Variants in AK8 observed in about 807,000 individuals in gnomAD.
The protein encoded by AK8 is ATP-AMP transphosphorylase 8.
Under a neutral mutation model 54.6 loss-of-function variants are expected in AK8, and 44 were observed. That is an observed-to-expected ratio of 0.81 (90% CI 0.63 to 1.04). The LOEUF (loss-of-function observed/expected upper bound fraction) is 1.04, where lower values mean the gene tolerates loss of function less well. AK8 is among the 50% of genes least tolerant of loss of function. The probability of loss-of-function intolerance (pLI) is 0.00; values close to 1 mark genes in which losing one functional copy is unlikely to be tolerated. For missense variants in AK8, 555 were observed against 613.6 expected, an observed-to-expected ratio of 0.90 and a Z score of 1.01; for synonymous variants, 239 against 245.6, an observed-to-expected ratio of 0.97 and a Z score of 0.25.
chr9:132,830,184 T>C (rs916971417), intron 5 of AK8, among the ~76,000 whole-genome samples: 1 of 152,240 alleles, frequency 6.6e-6, no homozygotes, highest in Non-Finnish European at 1.5e-5. Context: ...ATTGTATGAA[T>C]TGACCTGATG....
At chr9:132,834,030 C>T (rs546409373) in intron 5 of AK8, among the ~76,000 whole-genome samples, 1 of 152,354 alleles carries the variant, frequency 6.6e-6, no homozygotes, top group African/African-American at 2.4e-5. Context: ...CAGACTCCAC[C>T]GGAGGCATTC....
At chr9:132,765,719 G>A (rs961030518) in intron 11 of AK8, among the ~76,000 whole-genome samples, 1 of 152,178 alleles carries the variant, frequency 6.6e-6, no homozygotes, top group Non-Finnish European at 1.5e-5. Context: ...ATGGCAAACC[G>A]ATATCTAACT....
chr9:132,790,713 T>C lies in AK8; in HGVS notation c.1121+1921A>G, dbSNP rs1385736535. On this transcript the variant is annotated intron_variant, in intron 11 of 12. Coordinates refer to ENST00000298545, the MANE Select transcript of AK8 (RefSeq NM_152572.3). This position sits in a 1 kb window ranked among gnomAD's most constrained non-coding sequence, Gnocchi z 4.1. Reference sequence around the variant, plus strand: ...CCCAACAAGAGTAAAATGAAAAGTATAAATATTGAAAAGGAAGAGGCAAAA... The same window carrying C: ...CCCAACAAGAGTAAAATGAAAAGTACAAATATTGAAAAGGAAGAGGCAAAA... Among the ~76,000 whole-genome samples the C allele has an allele frequency of 6.6e-6, 1 of 151,978 alleles. No homozygotes were observed. Among genetic ancestry groups the C allele is most frequent in the Non-Finnish European group, 1.5e-5 (1 of 68,004 alleles).
chr9:132,861,602 G>A (rs1319040409), intron 4 of AK8: 1 of 152,254 alleles, frequency 6.6e-6, no homozygotes, highest in African/African-American at 2.4e-5. Flanking sequence ...AAATGCCTAA[G>A]ATGGAGATGT....
At chr9:132,832,369 A>T (rs192593197) in intron 5 of AK8, among the ~76,000 whole-genome samples, 3,333 of 147,516 alleles carry the variant, frequency 0.023, 54 homozygotes, top group Non-Finnish European at 0.037. Context: ...TGCAGCTCTT[A>T]GAAAGAGCAA....
In AK8 at chr9:132,740,635, C is replaced by T. The variant is rs555920000; in HGVS notation, c.1122-13101G>A. On this transcript the variant is annotated intron_variant, in intron 11 of 12. Coordinates refer to ENST00000298545, the MANE Select transcript of AK8 (RefSeq NM_152572.3). Reference sequence around the variant, plus strand: ...GGAATGGGTGGGACTTGGCTCTGGTCGGCTCCCCGTTTGGATTTGGGGATG... The same window carrying T: ...GGAATGGGTGGGACTTGGCTCTGGTTGGCTCCCCGTTTGGATTTGGGGATG... Among the ~76,000 whole-genome samples the T allele has an allele frequency of 1.2e-3, 187 of 152,240 alleles. 1 individual carries two copies. Among genetic ancestry groups the T allele is most frequent in the African/African-American group, 4.0e-3 (168 of 41,548 alleles).
intron 11 of AK8, among the ~76,000 whole-genome samples, chr9:132,736,900 T>A (rs979802183): frequency 8.6e-5 from 13 of 151,516 alleles, no homozygotes; most frequent in African/African-American, 3.2e-4. Flanking sequence ...ATTGTATGAC[T>A]CCACTTTTTG....
intron 5 of AK8, among the ~76,000 whole-genome samples, chr9:132,844,209 C>T (rs1024811220): frequency 6.8e-6 from 1 of 147,966 alleles, no homozygotes; most frequent in East Asian, 2.0e-4. Context: ...TCCTTTTGAT[C>T]GTTCCAATAC....
rs1323904916 is a variant in AK8, at chr9:132,860,753, C to T, written c.333+2912G>A. ...ACTATTGGAAGAGAGAGCAGCCTGGCTTCCTGCAAGCCTGGCACAGCAGGT... is the reference window on the plus strand; with the variant it reads ...ACTATTGGAAGAGAGAGCAGCCTGGTTTCCTGCAAGCCTGGCACAGCAGGT... On this transcript the variant is annotated intron_variant, in intron 4 of 12. Transcript: ENST00000298545. This position sits in a 1 kb window ranked among gnomAD's most constrained non-coding sequence, Gnocchi z 4.4. 6.6e-6 allele frequency among the ~76,000 whole-genome samples: 1 copy of T among 152,228 alleles called. No homozygotes were observed. The highest frequency in any genetic ancestry group is 2.4e-5 in the African/African-American group (1 of 41,448).
chr9:132,806,784 A>G (rs1038791152), intron 10 of AK8, among the ~76,000 whole-genome samples: 11 of 152,210 alleles, frequency 7.2e-5, no homozygotes, highest in Admixed American at 5.9e-4. Context: ...AGGCTCTTGA[A>G]AACACATCAT....
At chr9:132,850,629 C>T (rs1341661505) in intron 5 of AK8, among the ~76,000 whole-genome samples, 1 of 152,070 alleles carries the variant, frequency 6.6e-6, no homozygotes, top group Non-Finnish European at 1.5e-5. Context: ...AAATCCTGAC[C>T]TCAGGTGATC....
intron 5 of AK8, among the ~76,000 whole-genome samples, chr9:132,844,236 T>C (rs139266386): frequency 6.6e-6 from 1 of 150,948 alleles, no homozygotes; most frequent in East Asian, 1.9e-4. Context: ...CTAATTTTTC[T>C]TTCTCTAATG....
At position 132,823,214 on chromosome 9, in the gene AK8, G is replaced by A; in HGVS notation, c.880C>T (p.Leu294Phe). 6.3e-7 allele frequency: 1 copy of A among 1,583,120 alleles called. No individual in the cohort carries two copies. The highest frequency in any genetic ancestry group is 1.2e-5 in the South Asian group (1 of 85,612). Residue 294 changes from leucine (L) to phenylalanine (F), a missense_variant, in exon 9 of 13, where the codon CTT becomes TTT. Transcript: ENST00000298545. ...QAALLAQKYR[L>F]VNVCCGQLLK... ...CACCTGGGGCACTCACCATTGACAAGCCTGTATTTCTGGGCCAGGAGGGCG... is the reference window on the plus strand; with the variant it reads ...CACCTGGGGCACTCACCATTGACAAACCTGTATTTCTGGGCCAGGAGGGCG...
chr9:132,878,948 A>C (rs1844287816), upstream of AK8: 1 of 195,788 alleles, frequency 5.1e-6, no homozygotes, highest in African/African-American at 2.4e-5. This position sits in a 1 kb window ranked among gnomAD's most constrained non-coding sequence, Gnocchi z 4.7. Context: ...GGGCACCGAC[A>C]CTCACGGAGT....
At chr9:132,729,704 C>T (rs1887960) in intron 11 of AK8, among the ~76,000 whole-genome samples, 1 of 152,074 alleles carries the variant, frequency 6.6e-6, no homozygotes, top group Non-Finnish European at 1.5e-5. Context: ...TCCTCCTTGA[C>T]GACATTGACA....
intron 11 of AK8, among the ~76,000 whole-genome samples, chr9:132,736,413 C>G (rs759289259): frequency 8.6e-5 from 13 of 151,660 alleles, no homozygotes; most frequent in Non-Finnish European, 4.4e-5. Flanking sequence ...GTCTCAAACT[C>G]CTGACCTCAG....
rs768297504 is a variant in AK8, at chr9:132,739,441, CAAAAAAAAAAAAAAAAAAAAA to C, written c.1122-11928_1122-11908del. Among the ~76,000 whole-genome samples, 227 of 31,156 alleles carry C rather than the reference CAAAAAAAAAAAAAAAAAAAAA, an allele frequency of 7.3e-3. 1 individual carries two copies. Among genetic ancestry groups the C allele is most frequent in the African/African-American group, 0.028 (196 of 6,902 alleles). The allele number at this position is 31,156 out of a possible 152,430, so 20.4% of individuals were successfully genotyped here. A position where few individuals can be genotyped will look rare whatever the true frequency, so the allele number is the denominator to read the frequency against. On this transcript the variant is annotated intron_variant, in intron 11 of 12. Coordinates refer to ENST00000298545, the MANE Select transcript of AK8 (RefSeq NM_152572.3). ...TGGGCAACAGAGAGTGACTCTGTCT[CAAAAAAAAAAAAAAAAAAAAA>C]AAAAAAAAAAAAAAAAAAAGATTGT...
At chr9:132,857,891 C>G (rs1454443082) in intron 4 of AK8, among the ~76,000 whole-genome samples, 1 of 152,240 alleles carries the variant, frequency 6.6e-6, no homozygotes, top group African/African-American at 2.4e-5. Flanking sequence ...TGATGTGTCA[C>G]GTCAGCAGCA....
chr9:132,730,516 G>A (rs1025973244), intron 11 of AK8, among the ~76,000 whole-genome samples: 1 of 150,120 alleles, frequency 6.7e-6, no homozygotes, highest in Non-Finnish European at 1.5e-5. Context: ...CCCTAGGGTT[G>A]GGCGGGATCT....
Sources: gnomAD v4.1 joint callset for allele counts (sites outside exome capture counted in the v4.1 genomes callset) on GRCh38, gnomAD v4.1.1 for gene constraint, Gnocchi (gnomAD v3.1) non-coding constraint, MANE v1.5 for transcripts, NCBI Gene and HGNC (gene_info 2026-07-23, HGNC 2026-07-21) for gene names.